SHANK1: variants seen among roughly 807,000 people sequenced by gnomAD.
SHANK1 encodes SH3 and multiple ankyrin repeat domains protein 1.
Under a neutral mutation model 165.6 loss-of-function variants are expected in SHANK1, and 35 were observed. The observed-to-expected ratio is 0.21, with a 90% CI of 0.16 to 0.28. The LOEUF is 0.28. Among genes scored for constraint, SHANK1 ranks in the 10% least tolerant of loss-of-function variants. The pLI is 1.00. For synonymous variants in SHANK1, 1,428 were observed against 1,384.8 expected (o/e 1.03, Z -0.69); for missense variants, 2,681 against 3,036.4 (o/e 0.88, Z 2.75).
intron 15 of SHANK1, among the ~76,000 whole-genome samples, chr19:50,693,577 C>A (rs1285206017): frequency 6.6e-6 from 1 of 152,108 alleles, no homozygotes; most frequent in African/African-American, 2.4e-5. Flanking sequence ...ACTCCCCTCC[C>A]CACCCCAACG....
chr19:50,717,558 C>T lies in SHANK1; in HGVS notation c.-43-596G>A, dbSNP rs186701356. On this transcript the variant is annotated intron_variant, in intron 1 of 23. Transcript: ENST00000293441. The surrounding 1 kb of genome is among the most constrained non-coding windows in gnomAD (Gnocchi z 5.5). ...TGCCGAATAGTGCTGGGGAATCTGC[C>T]GTCCCAGGGGAGCAAGGGGCACTGA... Among the ~76,000 whole-genome samples, 2 of 152,218 alleles carry T rather than the reference C, an allele frequency of 1.3e-5. No individual in the cohort carries two copies. Among genetic ancestry groups the T allele is most frequent in the Admixed American group, 6.5e-5 (1 of 15,298 alleles).
In SHANK1 at chr19:50,669,290, G is replaced by A. The variant is rs1158288564; in HGVS notation, c.2675-5C>T. ...GTCTGTCATCTTCTGCCGCACCTGG[G>A]GAGATACAGAGGCTCAAGGAGGGGG... On this transcript the variant is annotated splice_polypyrimidine_tract_variant and splice_region_variant and intron_variant, in intron 22 of 23. Transcript: ENST00000293441. 1 of 1,605,652 alleles carries A rather than the reference G, an allele frequency of 6.2e-7. No homozygotes were observed. Among genetic ancestry groups the A allele is most frequent in the Non-Finnish European group, 8.5e-7 (1 of 1,175,306 alleles).
chr19:50,667,387 G>A lies in SHANK1; in HGVS notation c.4573C>T (p.Arg1525Trp), dbSNP rs1568427182. The change falls in exon 23 of 24, where the codon CGG becomes TGG. Residue 1525 changes from arginine to tryptophan, a missense_variant. Around this residue, in one of 10 missense-constraint regions of SHANK1, gnomAD observed 1,713 missense variants for 1,630.2 expected, o/e 1.05. Coordinates refer to ENST00000293441, the MANE Select transcript of SHANK1 (RefSeq NM_016148.5). This position sits in a 1 kb window ranked among gnomAD's most constrained non-coding sequence, Gnocchi z 5.7. ...GAGGTCGGGGAGGGGGGCACGGACC[G>A]GCGTGGGCTGGGCGGCGGGACCCCC... ...GPGVPPPSPR[R>W]SVPPSPTSPR... 3 of 1,527,556 alleles carry A rather than the reference G, an allele frequency of 2.0e-6. No homozygotes were observed. The highest frequency in any genetic ancestry group is 1.7e-4 in the Middle Eastern group (1 of 5,796). 94.6% of individuals were successfully genotyped at this position (1,527,556 alleles called of 1,614,324 possible).
rs771286693 is a variant in SHANK1, at chr19:50,716,440, C to T, written c.294G>A (p.Thr98=). Residue 98 remains threonine (T), a synonymous_variant, in exon 3 of 24, where the codon ACG becomes ACA. Coordinates refer to ENST00000293441, the MANE Select transcript of SHANK1 (RefSeq NM_016148.5). The surrounding 1 kb of genome is among the most constrained non-coding windows in gnomAD (Gnocchi z 8.4). Reference sequence around the variant, plus strand: ...GGGCACAGAGCACCTGCTGCTTGGCCGTCCAGATGGTGGCATCGGGGTTGA... The same window carrying T: ...GGGCACAGAGCACCTGCTGCTTGGCTGTCCAGATGGTGGCATCGGGGTTGA... The part of the protein sequence containing the change: ...LRFNPDATIW[T]AKQQVLCALS... 56 of 1,614,056 alleles carry T rather than the reference C, an allele frequency of 3.5e-5. No individual in the cohort carries two copies. The highest frequency in any genetic ancestry group is 2.5e-4 in the East Asian group (11 of 44,884).
rs773198582 is a variant in SHANK1 at position 50,688,718 on chromosome 19, G to A, written c.2172+126C>T. On this transcript the variant is annotated intron_variant, in intron 17 of 23. Transcript: ENST00000293441. This position sits in a 1 kb window ranked among gnomAD's most constrained non-coding sequence, Gnocchi z 6.7. ...GAAAGCAGAGGCTGGCTGGGGGGTG[G>A]GCAGGGGGCTGGGAATCCTGGTGCC... is the stretch of plus-strand genomic sequence containing the variant. 234 of 871,122 alleles carry A rather than the reference G, an allele frequency of 2.7e-4. No individual in the cohort carries two copies. The highest frequency in any genetic ancestry group is 3.9e-4 in the Non-Finnish European group (219 of 565,032). 54.0% of individuals were successfully genotyped at this position (871,122 alleles called of 1,614,324 possible).
Position 50,668,640 on chromosome 19 carries a change from T to C in SHANK1, c.3320A>G (p.Lys1107Arg). Residue 1107 changes from lysine to arginine, a missense_variant, in exon 23 of 24, where the codon AAG becomes AGG. Physicochemically the swap from Lys to Arg is conservative, Grantham distance 26. This residue lies in a region of SHANK1 where 1,713 missense variants were observed against 1,630.2 expected (regional missense o/e 1.05). Coordinates refer to ENST00000293441, the MANE Select transcript of SHANK1 (RefSeq NM_016148.5). ...YVPARSGRGR[K>R]GPLVKQTKVE... The stretch of plus-strand genomic sequence containing the variant: ...CTTGGTCTGCTTGACCAGCGGGCCC[T>C]TGCGGCCGCGGCCCGAGCGGGCGGG... 7.3e-7 allele frequency: 1 copy of C among 1,365,960 alleles called. No homozygotes were observed. Among genetic ancestry groups the C allele is most frequent in the Non-Finnish European group, 9.5e-7 (1 of 1,057,814 alleles). The allele number at this position is 1,365,960 out of a possible 1,614,324, so 84.6% of individuals were successfully genotyped here. A position where few individuals can be genotyped will look rare whatever the true frequency, so the allele number is the denominator to read the frequency against.
chr19:50,668,337 G>T lies in SHANK1; in HGVS notation c.3623C>A (p.Pro1208His). Reference sequence around the variant, plus strand: ...GGTGGGCACGGGCGAGGGGGACGGGGGCACGGGTGACATGGCCGGGGCGGG... The same window carrying T: ...GGTGGGCACGGGCGAGGGGGACGGGTGCACGGGTGACATGGCCGGGGCGGG... ...PSPAPAMSPV[P>H]PSPSPVPTPA... The change falls in exon 23 of 24, where the codon CCC becomes CAC. Residue 1208 changes from proline to histidine, a missense_variant. Coordinates refer to ENST00000293441, the MANE Select transcript of SHANK1 (RefSeq NM_016148.5). 3 of 1,263,428 alleles carry T rather than the reference G, an allele frequency of 2.4e-6. No homozygotes were observed. Among genetic ancestry groups the T allele is most frequent in the Non-Finnish European group, 3.0e-6 (3 of 1,006,380 alleles). 78.3% of individuals were successfully genotyped at this position (1,263,428 alleles called of 1,614,324 possible). A position where few individuals can be genotyped will look rare whatever the true frequency, so the allele number is the denominator to read the frequency against.
At chr19:50,685,744 T>A (rs1340130867) in intron 21 of SHANK1, among the ~76,000 whole-genome samples, 2 of 151,674 alleles carry the variant, frequency 1.3e-5, no homozygotes, top group Admixed American at 6.6e-5. Context: ...AATAAATAAA[T>A]AAAAATTGAA....
At position 50,687,800 on chromosome 19, in the gene SHANK1, A is replaced by C. The variant is rs41275784; in HGVS notation, c.2308+123T>G. ...CCTCCCTGCCTCAGTTTCTCCCCAC[A>C]AGGGTCACGGAGAAGCAGTGCTAGG... On this transcript the variant is annotated intron_variant, in intron 18 of 23. Coordinates refer to ENST00000293441, the MANE Select transcript of SHANK1 (RefSeq NM_016148.5). The C allele has an allele frequency of 0.01, 14,535 of 1,409,974 alleles. 87 individuals are homozygous for C. Among genetic ancestry groups the C allele is most frequent in the Non-Finnish European group, 0.013 (12,999 of 1,036,772 alleles). The allele number at this position is 1,409,974 out of a possible 1,614,324, so 87.3% of individuals were successfully genotyped here.
chr19:50,661,045 T>C lies in SHANK1; in HGVS notation c.*920A>G, dbSNP rs1331642499. 6.6e-6 allele frequency among the ~76,000 whole-genome samples: 1 copy of C among 150,712 alleles called. No individual in the cohort carries two copies. The highest frequency in any genetic ancestry group is 1.5e-5 in the Non-Finnish European group (1 of 67,732). ...GGGAAAGTGCTTCAACGTAAGAAAATGGAGGTAAGAGTGTGTCAGGAGGGG... is the reference window on the plus strand; with the variant it reads ...GGGAAAGTGCTTCAACGTAAGAAAACGGAGGTAAGAGTGTGTCAGGAGGGG... On this transcript the variant is annotated 3_prime_UTR_variant, in exon 24 of 24. Coordinates refer to ENST00000293441, the MANE Select transcript of SHANK1 (RefSeq NM_016148.5).
At position 50,716,930 on chromosome 19, in the gene SHANK1, C is replaced by T. The variant is rs567706723; in HGVS notation, c.-11G>A. 5 of 1,421,580 alleles carry T rather than the reference C, an allele frequency of 3.5e-6. No homozygotes were observed. The African/African-American group carries it at 4.3e-5, about 12-fold the overall frequency. The allele number at this position is 1,421,580 out of a possible 1,614,324, so 88.1% of individuals were successfully genotyped here. On this transcript the variant is annotated 5_prime_UTR_variant, in exon 2 of 24. It adds an upstream start codon to the 5' untranslated region. Transcript: ENST00000293441. The surrounding 1 kb of genome is among the most constrained non-coding windows in gnomAD (Gnocchi z 8.4). Reference sequence around the variant, plus strand: ...GGGGCTGTGGGTCATTGTGGGGCCACGGGGCGACGGGGGACGGCAGCATCA... The same window carrying T: ...GGGGCTGTGGGTCATTGTGGGGCCATGGGGCGACGGGGGACGGCAGCATCA...
intron 21 of SHANK1, among the ~76,000 whole-genome samples, chr19:50,684,858 A>C (rs1377330723): frequency 6.6e-6 from 1 of 152,252 alleles, no homozygotes; most frequent in Non-Finnish European, 1.5e-5. Flanking sequence ...CATGTTGACA[A>C]AAAAAGATGA....
intron 21 of SHANK1, among the ~76,000 whole-genome samples, chr19:50,679,201 G>A (rs1366364253): frequency 1.1e-4 from 16 of 150,186 alleles, no homozygotes; most frequent in Admixed American, 2.0e-4. Context: ...TGACGGGGAG[G>A]GGTCAGGGTT....
chr19:50,697,038 C>T lies in SHANK1; in HGVS notation c.1964+58G>A, dbSNP rs1986763449. On this transcript the variant is annotated intron_variant, in intron 15 of 23. Coordinates refer to ENST00000293441, the MANE Select transcript of SHANK1 (RefSeq NM_016148.5). The surrounding 1 kb of genome is among the most constrained non-coding windows in gnomAD (Gnocchi z 4.7). ...TCGTGCACACACGTTCACACGCCCC[C>T]CAGGCACCCCGTCCTTCCCCTCCTG... The T allele has an allele frequency of 6.8e-7, 1 of 1,460,958 alleles. No individual in the cohort carries two copies. The highest frequency in any genetic ancestry group is 9.6e-7 in the Non-Finnish European group (1 of 1,040,526). 90.5% of individuals were successfully genotyped at this position (1,460,958 alleles called of 1,614,324 possible).
chr19:50,697,089 C>T lies in SHANK1; in HGVS notation c.1964+7G>A, dbSNP rs1568439274. ...ACCCCATCCCCTCCCTGCCCCTCGCCTCTCACCTCCCTGGGCCAATCCCAT... is the reference window on the plus strand; with the variant it reads ...ACCCCATCCCCTCCCTGCCCCTCGCTTCTCACCTCCCTGGGCCAATCCCAT... On this transcript the variant is annotated splice_region_variant and intron_variant, in intron 15 of 23. Coordinates refer to ENST00000293441, the MANE Select transcript of SHANK1 (RefSeq NM_016148.5). This position sits in a 1 kb window ranked among gnomAD's most constrained non-coding sequence, Gnocchi z 4.7. 1.2e-6 allele frequency: 2 copies of T among 1,612,126 alleles called. No individual in the cohort carries two copies. The highest frequency in any genetic ancestry group is 1.7e-6 in the Non-Finnish European group (2 of 1,179,142).
At chr19:50,677,356 G>A (rs1214842307) in intron 21 of SHANK1, among the ~76,000 whole-genome samples, 1 of 152,066 alleles carries the variant, frequency 6.6e-6, no homozygotes, top group East Asian at 1.9e-4. Context: ...TTGAACTCCT[G>A]ACCTCAGGTG....
Position 50,718,971 on chromosome 19 carries a change from G to T in SHANK1, c.-44+435C>A, listed in dbSNP as rs2089100980. On this transcript the variant is annotated intron_variant, in intron 1 of 23. Coordinates refer to ENST00000293441, the MANE Select transcript of SHANK1 (RefSeq NM_016148.5). The surrounding 1 kb of genome is among the most constrained non-coding windows in gnomAD (Gnocchi z 5.1). Reference sequence around the variant, plus strand: ...AGGAGAAGCGGGAGCTGGAGGGGTCGAAAGGGGCGGAGGAGGCCCGGGCCT... The same window carrying T: ...AGGAGAAGCGGGAGCTGGAGGGGTCTAAAGGGGCGGAGGAGGCCCGGGCCT... Among the ~76,000 whole-genome samples the T allele has an allele frequency of 6.6e-6, 1 of 151,786 alleles. No individual in the cohort carries two copies. The highest frequency in any genetic ancestry group is 2.1e-4 in the South Asian group (1 of 4,812).
chr19:50,690,373 T>C lies in SHANK1; in HGVS notation c.1965-1094A>G, dbSNP rs535626510. Among the ~76,000 whole-genome samples the C allele has an allele frequency of 1.3e-5, 2 of 152,144 alleles. No homozygotes were observed. Among genetic ancestry groups the C allele is most frequent in the African/African-American group, 2.4e-5 (1 of 41,506 alleles). ...ACATGACCACTGTACACCTCAGGAATATACATCCATTCCATTCCCAGAGGA... is the reference window on the plus strand; with the variant it reads ...ACATGACCACTGTACACCTCAGGAACATACATCCATTCCATTCCCAGAGGA... On this transcript the variant is annotated intron_variant, in intron 15 of 23. Coordinates refer to ENST00000293441, the MANE Select transcript of SHANK1 (RefSeq NM_016148.5). This position sits in a 1 kb window ranked among gnomAD's most constrained non-coding sequence, Gnocchi z 4.9.
chr19:50,706,433 C>A (rs1374104203), intron 8 of SHANK1, among the ~76,000 whole-genome samples: 1 of 152,046 alleles, frequency 6.6e-6, no homozygotes. Flanking sequence ...AAGTCCATGC[C>A]ACGGCCTAGG....
Sources: allele counts gnomAD v4.1 joint callset (sites outside exome capture counted in the v4.1 genomes callset), GRCh38; gene constraint gnomAD v4.1.1; regional missense constraint gnomAD v4.1.1; non-coding constraint Gnocchi (gnomAD v3.1); transcripts MANE v1.5; gene names NCBI Gene and HGNC (gene_info 2026-07-23, HGNC 2026-07-21).